DSE: variants seen among roughly 807,000 people sequenced by gnomAD.
DSE encodes the protein dermatan sulfate epimerase, also known as dermatan-sulfate epimerase.
Under a neutral mutation model 84.4 loss-of-function variants are expected in DSE, and 36 were observed. The ratio of observed to expected loss-of-function variants is 0.43; its 90% CI spans 0.33 to 0.56. DSE has a LOEUF of 0.56. Among genes scored for constraint, DSE ranks in the 20% least tolerant of loss-of-function variants. The pLI, the probability that DSE is intolerant of heterozygous loss-of-function variation, is 0.06. For synonymous variants in DSE, 410 were observed against 430.1 expected, an observed-to-expected ratio of 0.95 and a Z score of 0.58; for missense variants, 862 against 1,169.6, an observed-to-expected ratio of 0.74 and a Z score of 3.84.
At chr6:116,365,124 C>T (rs1779090853) in intron 2 of DSE, among the ~76,000 whole-genome samples, 1 of 152,084 alleles carries the variant, frequency 6.6e-6, no homozygotes, top group Non-Finnish European at 1.5e-5. Flanking sequence ...AGGTGTGAGC[C>T]ACCTCACCCA....
chr6:116,258,463 G>A (rs2114589951), exon 2 of DSE: 1 of 916,238 alleles, frequency 1.1e-6, no homozygotes, highest in Non-Finnish European at 1.8e-6. Flanking sequence ...CTGAAGGGCA[G>A]ACAGGTTTAT....
At chr6:116,428,628 A>G (rs1377180595) in intron 3 of DSE, among the ~76,000 whole-genome samples, 2 of 152,202 alleles carry the variant, frequency 1.3e-5, no homozygotes, top group East Asian at 3.8e-4. Context: ...ACAAGACTAG[A>G]CAGAAGGAGG....
In DSE at chr6:116,360,301, T is replaced by C. The variant is rs571861023; in HGVS notation, c.-53-38897T>C. Among the ~76,000 whole-genome samples the C allele has an allele frequency of 1.6e-4, 25 of 152,306 alleles. No homozygotes were observed. The South Asian group carries it at 5.0e-3, about 30-fold the overall frequency. On this transcript the variant is annotated intron_variant, in intron 2 of 3. Coordinates refer to the DSE transcript ENST00000430252. ...CAAACCACCATGGCACACATTTACC[T>C]ATGTCACAAAACACATCCTGCACAT...
At chr6:116,421,304 T>C (rs1209324529) in intron 2 of DSE, among the ~76,000 whole-genome samples, 2 of 151,656 alleles carry the variant, frequency 1.3e-5, no homozygotes, top group Admixed American at 6.6e-5. Flanking sequence ...TTGGGCTGTA[T>C]CTATCAAAGT....
rs143881662 is a variant in DSE at position 116,262,795 on chromosome 6, G to A, written c.-54+3828G>A. Among the ~76,000 whole-genome samples, 261 of 152,284 alleles carry A rather than the reference G, an allele frequency of 1.7e-3. 1 individual carries two copies. The highest frequency in any genetic ancestry group is 5.8e-3 in the African/African-American group (240 of 41,570). ...AACATTGCCTTAGCTGTGTCCCAGA[G>A]ATTCTGGTATGTTGTCTCTTTATTC... On this transcript the variant is annotated intron_variant, in intron 2 of 3. Transcript: ENST00000430252.
chr6:116,320,373 T>A (rs570300923), intron 2 of DSE, among the ~76,000 whole-genome samples: 1,211 of 98,178 alleles, frequency 0.012, 22 homozygotes, highest in South Asian at 0.079. Flanking sequence ...AATATGTCAA[T>A]TTTTTTTTAT....
At chr6:116,414,708 A>G (rs1782588951) in intron 2 of DSE, among the ~76,000 whole-genome samples, 1 of 152,208 alleles carries the variant, frequency 6.6e-6, no homozygotes, top group Non-Finnish European at 1.5e-5. Flanking sequence ...CACCACGCCC[A>G]GCCTGTTTGC....
chr6:116,316,826 C>CTACTATTATTATTATTATTATTAT (rs59889768), intron 2 of DSE, among the ~76,000 whole-genome samples: 25 of 145,868 alleles, frequency 1.7e-4, no homozygotes, highest in East Asian at 1.6e-3. Context: ...ACTACTACTA[C>CTACTATTATTATTATTATTATTAT]TATTATTATT....
chr6:116,273,834 G>GC (rs1772990973), intron 2 of DSE, among the ~76,000 whole-genome samples: 1 of 136,944 alleles, frequency 7.3e-6, no homozygotes, highest in African/African-American at 2.7e-5. Flanking sequence ...ATGTTTTTTT[G>GC]TTTTTTTTTT....
chr6:116,278,847 G>A, intron 2 of DSE: 1 of 1,614,134 alleles, frequency 6.2e-7, no homozygotes, highest in South Asian at 1.1e-5. Context: ...TGAAGTAGGG[G>A]TTTCTTCTAA....
At chr6:116,267,172 A>G (rs1452867961) in intron 2 of DSE, among the ~76,000 whole-genome samples, 1 of 152,256 alleles carries the variant, frequency 6.6e-6, no homozygotes, top group Non-Finnish European at 1.5e-5. Flanking sequence ...TTACTATACT[A>G]TATGTGATTG....
At chr6:116,351,248 T>C (rs1481056219) in intron 2 of DSE, among the ~76,000 whole-genome samples, 2 of 152,156 alleles carry the variant, frequency 1.3e-5, no homozygotes, top group Non-Finnish European at 2.9e-5. Flanking sequence ...ACCCTTATTT[T>C]AACAGAACAG....
chr6:116,288,043 G>A (rs1186052255), intron 2 of DSE: 2 of 151,966 alleles, frequency 1.3e-5, no homozygotes, highest in Non-Finnish European at 2.9e-5. Flanking sequence ...GACAAGTTTA[G>A]GTTTATTATG....
chr6:116,275,588 C>T (rs1357573168), intron 2 of DSE, among the ~76,000 whole-genome samples: 2 of 152,148 alleles, frequency 1.3e-5, no homozygotes, highest in Non-Finnish European at 2.9e-5. Context: ...ATCACGAGGT[C>T]AGGAGATGGA....
chr6:116,258,588 C>G (rs766574048), exon 2 of DSE: 9 of 1,607,400 alleles, frequency 5.6e-6, no homozygotes, highest in Non-Finnish European at 7.7e-6. Flanking sequence ...CATTGATGAG[C>G]TCCTCTGCCA....
intron 2 of DSE, among the ~76,000 whole-genome samples, chr6:116,360,023 T>C (rs1188112682): frequency 6.6e-6 from 1 of 152,210 alleles, no homozygotes; most frequent in Admixed American, 6.5e-5. Flanking sequence ...TGGAATACTA[T>C]GCAGCTATAA....
chr6:116,321,496 T>A (rs1776318838), intron 2 of DSE, among the ~76,000 whole-genome samples: 1 of 151,966 alleles, frequency 6.6e-6, no homozygotes, highest in Admixed American at 6.6e-5. Flanking sequence ...CTTCTTATAT[T>A]TACAGTTCCT....
chr6:116,258,982 T>G, intron 2 of DSE: 1 of 1,487,962 alleles, frequency 6.7e-7, no homozygotes, highest in Non-Finnish European at 9.4e-7. Flanking sequence ...GTACTTGGCA[T>G]ATTTCTCCTT....
chr6:116,436,070 G>C lies in DSE; in HGVS notation c.1602G>C (p.Val534=), dbSNP rs1233181433. The stretch of plus-strand genomic sequence containing the variant: ...TTGCAGCAGAGGAGAAAAATGGGGT[G>C]GTTTTCATCCGAGGAGAAGGTGTGG... ...RVVAAEEKNG[V]VFIRGEGVGA... Residue 534 remains valine (V), a synonymous_variant, in exon 6 of 6, where the codon GTG becomes GTC. Transcript: ENST00000644252. The C allele has an allele frequency of 6.2e-7, 1 of 1,613,844 alleles. No homozygotes were observed. Among genetic ancestry groups the C allele is most frequent in the Non-Finnish European group, 8.5e-7 (1 of 1,180,016 alleles).
Sources: allele counts gnomAD v4.1 joint callset (sites outside exome capture counted in the v4.1 genomes callset), GRCh38; gene constraint gnomAD v4.1.1; transcripts MANE v1.5; gene names NCBI Gene and HGNC (gene_info 2026-07-23, HGNC 2026-07-21).